Variants in SHC3 observed in about 807,000 individuals in gnomAD.
The protein encoded by SHC3 is SHC-transforming protein 3.
Under a neutral mutation model 60.4 loss-of-function variants are expected in SHC3, and 15 were observed. The observed-to-expected ratio is 0.25, with a 90% CI of 0.17 to 0.38. The LOEUF (loss-of-function observed/expected upper bound fraction) is 0.38, where lower values mean the gene tolerates loss of function less well. SHC3 is among the 10% of genes least tolerant of loss of function. The probability of loss-of-function intolerance (pLI) is 1.00; values close to 1 mark genes in which losing one functional copy is unlikely to be tolerated. For synonymous variants in SHC3, 294 were observed against 325.9 expected (o/e 0.90, Z 1.05); for missense variants, 677 against 786.1 (o/e 0.86, Z 1.66).
intron 1 of SHC3, among the ~76,000 whole-genome samples, chr9:89,119,141 A>G (rs1164693559): frequency 1.3e-5 from 2 of 152,168 alleles, no homozygotes; most frequent in African/African-American, 4.8e-5. Flanking sequence ...ACAGTAAAAA[A>G]TTATGTTTAT....
At chr9:89,092,470 A>G (rs1825635999) in intron 2 of SHC3, among the ~76,000 whole-genome samples, 3 of 151,938 alleles carry the variant, frequency 2.0e-5, no homozygotes, top group Non-Finnish European at 4.4e-5. Context: ...ACAAACAAAT[A>G]GCCAGGCGTG....
chr9:89,081,050 G>A (rs1166934644), intron 2 of SHC3, among the ~76,000 whole-genome samples: 1 of 152,090 alleles, frequency 6.6e-6, no homozygotes. Context: ...ACAAGCATGA[G>A]CCACCACGCC....
chr9:89,038,361 A>T, intron 10 of SHC3, 73 bp from the exon 11 acceptor site: 1 of 1,305,340 alleles, frequency 7.7e-7, no homozygotes, highest in South Asian at 1.5e-5. Context: ...AAAAAAAAAA[A>T]TACAGTGAGA....
chr9:89,013,724 T>A, intron 11 of SHC3, 149 bp from the exon 12 acceptor site: 1 of 1,181,396 alleles, frequency 8.5e-7, no homozygotes, highest in Non-Finnish European at 1.2e-6. Flanking sequence ...AGATGCTGTC[T>A]GCAAAGAGCA....
In SHC3 at chr9:89,014,581, C is replaced by A. The variant is rs77159565; in HGVS notation, c.1657-1006G>T. On this transcript the variant is annotated intron_variant, in intron 11 of 11. Coordinates refer to ENST00000375835, the MANE Select transcript of SHC3 (RefSeq NM_016848.6). Reference sequence around the variant, plus strand: ...GTGGTCTCCTCTCCATCAGTGTGTGCAGATGAGTTTCCAGGAGCCCATCCT... The same window carrying A: ...GTGGTCTCCTCTCCATCAGTGTGTGAAGATGAGTTTCCAGGAGCCCATCCT... Among the ~76,000 whole-genome samples the A allele has an allele frequency of 9.4e-3, 1,437 of 152,246 alleles. 12 individuals carry two copies. Among genetic ancestry groups the A allele is most frequent in the African/African-American group, 0.033 (1,369 of 41,526 alleles).
chr9:89,033,573 G>A (rs1414588011), intron 11 of SHC3, among the ~76,000 whole-genome samples: 5 of 152,080 alleles, frequency 3.3e-5, no homozygotes, highest in Admixed American at 3.3e-4. Context: ...ACCTGTAAAA[G>A]CCCAGGCCAA....
Position 89,008,485 on chromosome 9 carries a change from C to G in SHC3, c.*4962G>C, listed in dbSNP as rs1158283070. Reference sequence around the variant, plus strand: ...GAAATGCAAATTCCCGGGCCCCACTCCAGACCTAGGGAGTCAGGAACTTGG... The same window carrying G: ...GAAATGCAAATTCCCGGGCCCCACTGCAGACCTAGGGAGTCAGGAACTTGG... On this transcript the variant is annotated 3_prime_UTR_variant, in exon 12 of 12. Transcript: ENST00000375835. 6.6e-6 allele frequency: 1 copy of G among 152,184 alleles called. No homozygotes were observed. The highest frequency in any genetic ancestry group is 1.5e-5 in the Non-Finnish European group (1 of 68,058). 9.4% of individuals were successfully genotyped at this position (152,184 alleles called of 1,614,324 possible). A position where few individuals can be genotyped will look rare whatever the true frequency, so the allele number is the denominator to read the frequency against.
intron 11 of SHC3, among the ~76,000 whole-genome samples, chr9:89,026,534 C>T (rs1035305027): frequency 7.2e-5 from 11 of 152,270 alleles, no homozygotes; most frequent in East Asian, 3.9e-4. Flanking sequence ...CTTACATGTA[C>T]GGATTAATAT....
chr9:89,080,957 G>A (rs1040826240), intron 2 of SHC3, among the ~76,000 whole-genome samples: 2 of 151,840 alleles, frequency 1.3e-5, no homozygotes, highest in East Asian at 3.9e-4. Context: ...TAGTAGACAT[G>A]GGGTTTCACC....
At chr9:89,102,667 A>T (rs1415847447) in intron 2 of SHC3, among the ~76,000 whole-genome samples, 1 of 152,208 alleles carries the variant, frequency 6.6e-6, no homozygotes, top group Non-Finnish European at 1.5e-5. Flanking sequence ...ACTTAATGTC[A>T]TGTATAGGTT....
chr9:89,112,512 C>A (rs778994287), intron 2 of SHC3, 44 bp downstream of exon 2: 19 of 1,591,454 alleles, frequency 1.2e-5, no homozygotes, highest in Non-Finnish European at 1.6e-5. Context: ...GAGATCCTTC[C>A]TTCAGAAGTA....
At chr9:89,137,095 T>C (rs1409684691) in intron 1 of SHC3, among the ~76,000 whole-genome samples, 3 of 152,082 alleles carry the variant, frequency 2.0e-5, no homozygotes, top group Non-Finnish European at 2.9e-5. Context: ...CTCACTATCA[T>C]GAGAACAGCA....
intron 6 of SHC3, among the ~76,000 whole-genome samples, chr9:89,060,354 C>T (rs896312463): frequency 1.3e-4 from 20 of 150,176 alleles, no homozygotes; most frequent in African/African-American, 4.7e-4. Context: ...TGGTAGAGGA[C>T]GTGGTGGAGG....
intron 2 of SHC3, among the ~76,000 whole-genome samples, chr9:89,097,821 A>T (rs1042727630): frequency 6.6e-6 from 1 of 152,216 alleles, no homozygotes; most frequent in Non-Finnish European, 1.5e-5. Flanking sequence ...GCTTTTAGAC[A>T]CTTTAGACTT....
At chr9:89,092,139 T>C (rs1009822136) in intron 2 of SHC3, among the ~76,000 whole-genome samples, 2 of 152,264 alleles carry the variant, frequency 1.3e-5, no homozygotes, top group Non-Finnish European at 2.9e-5. Flanking sequence ...GCCACTTTCC[T>C]AAATTGCATG....
At chr9:89,067,097 C>T (rs1337788569) in intron 5 of SHC3, among the ~76,000 whole-genome samples, 1 of 152,236 alleles carries the variant, frequency 6.6e-6, no homozygotes, top group Non-Finnish European at 1.5e-5. Context: ...CTGGTGTATT[C>T]ACAGGCTGAC....
chr9:89,026,816 C>T (rs910313665), intron 11 of SHC3, among the ~76,000 whole-genome samples: 2 of 152,198 alleles, frequency 1.3e-5, no homozygotes, highest in African/African-American at 4.8e-5. Flanking sequence ...TCCCTGCACA[C>T]CTGGGCCCTT....
intron 6 of SHC3, among the ~76,000 whole-genome samples, chr9:89,053,803 G>A (rs183197218): frequency 1.3e-3 from 203 of 152,308 alleles, no homozygotes; most frequent in Non-Finnish European, 2.3e-3. Context: ...AGCTGTTACA[G>A]TTGTGCAGGT....
At chr9:89,052,685 C>A (rs1824880706) in intron 6 of SHC3, among the ~76,000 whole-genome samples, 1 of 152,172 alleles carries the variant, frequency 6.6e-6, no homozygotes, top group South Asian at 2.1e-4. Context: ...CATATGTGGC[C>A]ACTCAAAACA....
Sources: gnomAD v4.1 joint callset for allele counts (sites outside exome capture counted in the v4.1 genomes callset) on GRCh38, gnomAD v4.1.1 for gene constraint, MANE v1.5 for transcripts, NCBI Gene and HGNC (gene_info 2026-07-23, HGNC 2026-07-21) for gene names.